Variants in ULK4 observed in about 807,000 individuals in gnomAD.
ULK4 encodes unc-51 like kinase 4.
A neutral mutation model predicts 160.6 loss-of-function variants in ULK4; 133 were observed. The ratio of observed to expected loss-of-function variants is 0.83; its 90% CI spans 0.72 to 0.96. ULK4 has a LOEUF of 0.96. ULK4 is among the 40% of genes least tolerant of loss of function. The probability of loss-of-function intolerance (pLI) is 0.00; values close to 1 mark genes in which losing one functional copy is unlikely to be tolerated. For missense variants in ULK4, 1,580 were observed against 1,499.5 expected (o/e 1.05, Z -0.89); for synonymous variants, 534 against 539.8 (o/e 0.99, Z 0.15).
At chr3:41,597,517 C>A (rs2031774329) in intron 31 of ULK4, among the ~76,000 whole-genome samples, 1 of 152,178 alleles carries the variant, frequency 6.6e-6, no homozygotes, top group African/African-American at 2.4e-5. Flanking sequence ...ATAGTCCAGG[C>A]ACCTATAGAA....
intron 33 of ULK4, among the ~76,000 whole-genome samples, chr3:41,456,971 T>A (rs1039098988): frequency 3.9e-5 from 6 of 152,134 alleles, no homozygotes; most frequent in Admixed American, 6.5e-5. Context: ...AGAACAAGGG[T>A]CATCATTAGC....
At chr3:41,252,000 A>G (rs1258014706) in intron 35 of ULK4, among the ~76,000 whole-genome samples, 1 of 152,240 alleles carries the variant, frequency 6.6e-6, no homozygotes, top group Non-Finnish European at 1.5e-5. Flanking sequence ...AACTGAGGTA[A>G]CAAATATATC....
chr3:41,689,111 G>C (rs2036197318), intron 27 of ULK4, among the ~76,000 whole-genome samples: 1 of 152,126 alleles, frequency 6.6e-6, no homozygotes, highest in Admixed American at 6.5e-5. Flanking sequence ...CTGCCAAATA[G>C]CCTCCAATCA....
chr3:41,873,138 C>T (rs1697165391), intron 17 of ULK4, among the ~76,000 whole-genome samples: 1 of 151,952 alleles, frequency 6.6e-6, no homozygotes, highest in African/African-American at 2.4e-5. Context: ...GCCGACAGGG[C>T]GAGACTCCAT....
chr3:41,268,684 C>A (rs983025179), intron 35 of ULK4, among the ~76,000 whole-genome samples: 1 of 151,794 alleles, frequency 6.6e-6, no homozygotes, highest in Non-Finnish European at 1.5e-5. Context: ...TGTGCACCTG[C>A]AGTTCCAGCT....
At chr3:41,813,008 T>C (rs970547967) in intron 19 of ULK4, among the ~76,000 whole-genome samples, 42 of 152,194 alleles carry the variant, frequency 2.8e-4, no homozygotes, top group African/African-American at 9.9e-4. Context: ...TACATTTGTA[T>C]CTAATCAACA....
chr3:41,405,452 C>G (rs2082274091), intron 34 of ULK4, among the ~76,000 whole-genome samples: 1 of 152,146 alleles, frequency 6.6e-6, no homozygotes, highest in Admixed American at 6.5e-5. Flanking sequence ...GTGCATGTGT[C>G]TTTTTGGAAG....
intron 20 of ULK4, among the ~76,000 whole-genome samples, chr3:41,795,260 GT>G: frequency 6.6e-6 from 1 of 152,234 alleles, no homozygotes; most frequent in African/African-American, 2.4e-5. Context: ...AACCGTGCAG[GT>G]GCAATTTTTT....
At chr3:41,613,593 A>C (rs148676868) in intron 31 of ULK4, among the ~76,000 whole-genome samples, 13 of 152,352 alleles carry the variant, frequency 8.5e-5, no homozygotes, top group African/African-American at 3.1e-4. Context: ...TTTTAAAAGG[A>C]TAAGTAATAG....
At chr3:41,914,184 C>A (rs1468043032) in intron 8 of ULK4, among the ~76,000 whole-genome samples, 1 of 152,122 alleles carries the variant, frequency 6.6e-6, no homozygotes, top group African/African-American at 2.4e-5. Context: ...TTAAGCCTGA[C>A]TGAAATTTTA....
chr3:41,874,635 A>G (rs951225028), intron 17 of ULK4, among the ~76,000 whole-genome samples: 7 of 152,194 alleles, frequency 4.6e-5, no homozygotes, highest in African/African-American at 7.2e-5. Context: ...TATGTTCCCA[A>G]TTATAAGCGG....
At chr3:41,452,081 G>A (rs901714014) in intron 34 of ULK4, among the ~76,000 whole-genome samples, 1 of 152,044 alleles carries the variant, frequency 6.6e-6, no homozygotes, top group African/African-American at 2.4e-5. Context: ...CAGCCTTGTG[G>A]GGAATCTTCT....
intron 17 of ULK4, among the ~76,000 whole-genome samples, chr3:41,842,120 C>G (rs931295604): frequency 4.9e-4 from 61 of 124,068 alleles, no homozygotes; most frequent in African/African-American, 1.8e-3. Context: ...TGAGAAAACC[C>G]AAGAATGATC....
chr3:41,517,321 G>C (rs1331009874), intron 32 of ULK4, among the ~76,000 whole-genome samples: 1 of 152,144 alleles, frequency 6.6e-6, no homozygotes, highest in Non-Finnish European at 1.5e-5. Context: ...CAATATAATA[G>C]TATTAAAAGG....
intron 3 of ULK4, chr3:41,937,887 C>A: frequency 2.8e-6 from 1 of 355,610 alleles, no homozygotes; most frequent in Non-Finnish European, 5.0e-6. Flanking sequence ...ATGTATATAA[C>A]GTAATAATAC....
At chr3:41,546,268 C>G (rs17058596) in intron 32 of ULK4, among the ~76,000 whole-genome samples, 9,227 of 151,928 alleles carry the variant, frequency 0.061, 842 homozygotes, top group African/African-American at 0.2. Context: ...CTTGGTGGCT[C>G]TTTTGACCCC....
intron 35 of ULK4, among the ~76,000 whole-genome samples, chr3:41,370,995 G>A (rs918306721): frequency 2.0e-5 from 3 of 152,144 alleles, no homozygotes; most frequent in Non-Finnish European, 4.4e-5. Context: ...TTGAGTAGGT[G>A]GTTTTCCCTT....
intron 32 of ULK4, among the ~76,000 whole-genome samples, chr3:41,477,225 G>A (rs144031482): frequency 5.3e-5 from 8 of 152,294 alleles, no homozygotes; most frequent in African/African-American, 1.2e-4. Context: ...GAGTCTCTCC[G>A]TAAGTTATTT....
chr3:41,791,849 C>T (rs949979141), intron 20 of ULK4, among the ~76,000 whole-genome samples: 1 of 152,182 alleles, frequency 6.6e-6, no homozygotes, highest in Non-Finnish European at 1.5e-5. Context: ...AAGTCCCTTT[C>T]CTTGTGGAAC....
Sources: gnomAD v4.1 joint callset for allele counts (sites outside exome capture counted in the v4.1 genomes callset) on GRCh38, gnomAD v4.1.1 for gene constraint, MANE v1.5 for transcripts, NCBI Gene and HGNC (gene_info 2026-07-23, HGNC 2026-07-21) for gene names.